The following NFIB variants were observed in gnomAD, a reference collection of about 807,000 sequenced individuals.
NFIB encodes nuclear factor I B.
Under a neutral mutation model 61.5 loss-of-function variants are expected in NFIB, and 11 were observed. The observed-to-expected ratio is 0.18, with a 90% CI of 0.11 to 0.30. The LOEUF (loss-of-function observed/expected upper bound fraction) is 0.30. Among genes scored for constraint, NFIB ranks in the 10% least tolerant of loss-of-function variants. The pLI, the probability that NFIB is intolerant of heterozygous loss-of-function variation, is 1.00. For missense variants in NFIB, 471 were observed against 608.9 expected, an observed-to-expected ratio of 0.77 and a Z score of 2.38; for synonymous variants, 260 against 216.5, an observed-to-expected ratio of 1.20 and a Z score of -1.76.
chr9:14,363,614 CATGTATATGTGTGTACATATACATATAT>C lies in NFIB; in HGVS notation c.108+34882_108+34909del, dbSNP rs1564032056. On this transcript the variant is annotated intron_variant, in intron 1 of 8. Coordinates refer to the NFIB transcript ENST00000380934. ...GTGTGTACATATACATATATATGTG[CATGTATATGTGTGTACATATACATATAT>C]ATGTATATGTACACACATAAACATC... 1.3e-5 allele frequency among the ~76,000 whole-genome samples: 2 copies of C among 151,140 alleles called. 1 individual carries two copies. The highest frequency in any genetic ancestry group is 4.2e-4 in the South Asian group (2 of 4,770).
intron 1 of NFIB, among the ~76,000 whole-genome samples, chr9:14,374,100 T>C (rs551851932): frequency 2.6e-5 from 4 of 152,348 alleles, no homozygotes; most frequent in African/African-American, 7.2e-5. Context: ...GGCAAAATTA[T>C]AGTAAAATAT....
chr9:14,493,862 G>A, the NFIB span, among the ~76,000 whole-genome samples: 2 of 152,188 alleles, frequency 1.3e-5, no homozygotes, highest in Non-Finnish European at 2.9e-5. Context: ...GTCTTTTGCG[G>A]CAAAACAATT....
At chr9:14,297,175 C>T (rs1232900218) in intron 2 of NFIB, among the ~76,000 whole-genome samples, 1 of 152,180 alleles carries the variant, frequency 6.6e-6, no homozygotes, top group African/African-American at 2.4e-5. Context: ...TTTTTAAATC[C>T]TCTGGGCTGG....
At chr9:14,311,006 A>G (rs1355444955) in intron 1 of NFIB, among the ~76,000 whole-genome samples, 1 of 152,128 alleles carries the variant, frequency 6.6e-6, no homozygotes, top group Non-Finnish European at 1.5e-5. Context: ...AAATATATTT[A>G]ATGCCATCAT....
Position 14,084,892 on chromosome 9 carries a change from C to G in NFIB, c.*3417G>C. The G allele has an allele frequency of 4.3e-6, 1 of 230,688 alleles. No individual in the cohort carries two copies. Among genetic ancestry groups the G allele is most frequent in the Non-Finnish European group, 8.6e-6 (1 of 116,262 alleles). 14.3% of individuals were successfully genotyped at this position (230,688 alleles called of 1,614,324 possible). ...TGAAATAAAAAAAGCAACACTTGAACTAGGCCTTTGTATTCAAGAGGCAGG... is the reference window on the plus strand; with the variant it reads ...TGAAATAAAAAAAGCAACACTTGAAGTAGGCCTTTGTATTCAAGAGGCAGG... On this transcript the variant is annotated 3_prime_UTR_variant, in exon 11 of 11. Transcript: ENST00000380953.
chr9:14,241,481 G>A (rs1054416897), intron 2 of NFIB, among the ~76,000 whole-genome samples: 2 of 151,092 alleles, frequency 1.3e-5, no homozygotes, highest in African/African-American at 4.9e-5. Flanking sequence ...TTCTTTAATC[G>A]ACTTTCTCCA....
chr9:14,301,078 T>A (rs2132648263), intron 2 of NFIB, among the ~76,000 whole-genome samples: 1 of 152,362 alleles, frequency 6.6e-6, no homozygotes, highest in East Asian at 1.9e-4. Flanking sequence ...TCTTCATGTT[T>A]GGAAGTGCTT....
upstream of NFIB, among the ~76,000 whole-genome samples, chr9:14,316,661 AT>A (rs2060548777): frequency 6.6e-6 from 1 of 152,194 alleles, no homozygotes. Context: ...AGGCAACCTC[AT>A]CTTAGATTAA....
chr9:14,327,413 C>T (rs148266962), intron 1 of NFIB, among the ~76,000 whole-genome samples: 1 of 152,136 alleles, frequency 6.6e-6, no homozygotes, highest in Non-Finnish European at 1.5e-5. Flanking sequence ...TGTCTATATT[C>T]CGTAAGTAAG....
At chr9:14,518,130 G>A in the NFIB span, among the ~76,000 whole-genome samples, 5 of 152,290 alleles carry the variant, frequency 3.3e-5, no homozygotes, top group East Asian at 7.7e-4. Flanking sequence ...GATAAGAAAC[G>A]TTTGGGTCTA....
intron 1 of NFIB, among the ~76,000 whole-genome samples, chr9:14,346,554 T>A (rs1168000254): frequency 6.6e-6 from 1 of 152,006 alleles, no homozygotes; most frequent in East Asian, 1.9e-4. Context: ...TCGTTTCTAT[T>A]CCCCGCACGC....
At chr9:14,090,020 A>G (rs1011787301) in intron 10 of NFIB, among the ~76,000 whole-genome samples, 3 of 152,162 alleles carry the variant, frequency 2.0e-5, no homozygotes, top group African/African-American at 4.8e-5. Flanking sequence ...AGCACATGGA[A>G]GATGCTCAAT....
In NFIB at chr9:14,110,903, C is replaced by T. The variant is rs7853115; in HGVS notation, c.1467+2096G>A. ...ATATGGGCTTCTTCAAATTAAAAAG[C>T]AGCACTAACTCTTTCATTACATAGA... is the stretch of plus-strand genomic sequence containing the variant. On this transcript the variant is annotated intron_variant, in intron 10 of 10. Coordinates refer to ENST00000380953, the MANE Select transcript of NFIB (RefSeq NM_001190737.2). 7.0e-4 allele frequency among the ~76,000 whole-genome samples: 107 copies of T among 152,154 alleles called. No individual in the cohort carries two copies. In the Middle Eastern group the frequency reaches 0.014, roughly 19 times the overall value.
the NFIB span, among the ~76,000 whole-genome samples, chr9:14,494,620 T>C: frequency 2.0e-5 from 3 of 152,236 alleles, no homozygotes; most frequent in Non-Finnish European, 4.4e-5. Context: ...TCTTCTCTTA[T>C]GGCTATTGAG....
the NFIB span, among the ~76,000 whole-genome samples, chr9:14,474,434 T>C: frequency 1.3e-5 from 2 of 152,170 alleles, no homozygotes; most frequent in African/African-American, 4.8e-5. Flanking sequence ...ACATTGGGGA[T>C]TAGGTTTTAA....
At chr9:14,131,454 A>G (rs1383339292) in intron 6 of NFIB, among the ~76,000 whole-genome samples, 1 of 152,212 alleles carries the variant, frequency 6.6e-6, no homozygotes, top group African/African-American at 2.4e-5. Flanking sequence ...TTAAGCAAAT[A>G]AAGAGTTAGA....
At chr9:14,189,270 A>C (rs2047682572) in intron 2 of NFIB, among the ~76,000 whole-genome samples, 1 of 152,158 alleles carries the variant, frequency 6.6e-6, no homozygotes, top group South Asian at 2.1e-4. Context: ...TTTCATTGGC[A>C]ATCTTTCTTC....
chr9:14,338,161 G>A (rs532943647), intron 1 of NFIB, among the ~76,000 whole-genome samples: 6 of 152,256 alleles, frequency 3.9e-5, no homozygotes, highest in Admixed American at 1.3e-4. Context: ...TTGGGAGGCC[G>A]AGGCAGGCGG....
At chr9:14,329,165 T>G (rs1437078252) in intron 1 of NFIB, among the ~76,000 whole-genome samples, 1 of 152,214 alleles carries the variant, frequency 6.6e-6, no homozygotes, top group East Asian at 1.9e-4. Flanking sequence ...GCTCTTCTTA[T>G]AGATGAAAAA....
Sources: allele counts gnomAD v4.1 joint callset (sites outside exome capture counted in the v4.1 genomes callset), GRCh38; gene constraint gnomAD v4.1.1; transcripts MANE v1.5; gene names NCBI Gene and HGNC (gene_info 2026-07-23, HGNC 2026-07-21).